The following VPS37A variants were observed in gnomAD, a reference collection of about 807,000 sequenced individuals.
VPS37A encodes VPS37A subunit of ESCRT-I.
A neutral mutation model predicts 49.8 loss-of-function variants in VPS37A; 30 were observed. The observed-to-expected ratio is 0.60, with a 90% CI of 0.45 to 0.82. VPS37A has a LOEUF of 0.82. Ranked by LOEUF, VPS37A falls within the 40% of genes least tolerant of loss-of-function variation. VPS37A has a pLI of 0.00. For synonymous variants in VPS37A, 195 were observed against 160.6 expected (o/e 1.21, Z -1.62); for missense variants, 593 against 464.4 (o/e 1.28, Z -2.55).
At chr8:17,302,349 C>T, downstream of VPS37A, 4 of 1,519,684 alleles carry the variant, frequency 2.6e-6, no homozygotes, top group Non-Finnish European at 3.5e-6. Context: ...CTCAAGTCTT[C>T]TAAGGTATCT....
chr8:17,247,410 T>TGGGGGG, intron 1 of VPS37A, 41 bp downstream of exon 1: 1 of 58,620 alleles, frequency 1.7e-5, no homozygotes, highest in Admixed American at 4.1e-4. Context: ...AAAAGTAGGG[T>TGGGGGG]GGGAGGGCGG....
intron 1 of VPS37A, among the ~76,000 whole-genome samples, chr8:17,254,532 C>T (rs1204051002): frequency 6.6e-6 from 1 of 152,148 alleles, no homozygotes; most frequent in Non-Finnish European, 1.5e-5. Flanking sequence ...TTTGCATTGA[C>T]CTGGTTCAAG....
At chr8:17,312,313 G>A in the VPS37A span, among the ~76,000 whole-genome samples, 2 of 152,220 alleles carry the variant, frequency 1.3e-5, no homozygotes, top group Middle Eastern at 3.4e-3. Flanking sequence ...AGTGGCTCAC[G>A]CATGTAATCC....
intron 2 of VPS37A, among the ~76,000 whole-genome samples, chr8:17,267,284 C>G (rs1813556957): frequency 6.6e-6 from 1 of 152,096 alleles, no homozygotes. Context: ...GTTTTCTTTT[C>G]AACAGTATGA....
the VPS37A span, among the ~76,000 whole-genome samples, chr8:17,314,090 ATAT>A: frequency 3.3e-5 from 5 of 152,106 alleles, no homozygotes; most frequent in East Asian, 7.7e-4. Flanking sequence ...CACCTCTATA[ATAT>A]TATAAACCAC....
Position 17,297,429 on chromosome 8 carries a change from GAAGA to G in VPS37A, c.*2447_*2450del. The stretch of plus-strand genomic sequence containing the variant: ...GGACAGCTCAGATTCATTTTTAGGA[GAAGA>G]AAGTAAACTAATGTGCTCTTAAAGA... On this transcript the variant is annotated 3_prime_UTR_variant, in exon 12 of 12. Transcript: ENST00000324849. 6.6e-6 allele frequency: 1 copy of G among 151,904 alleles called. No individual in the cohort carries two copies. The highest frequency in any genetic ancestry group is 1.5e-5 in the Non-Finnish European group (1 of 67,882). The allele number at this position is 151,904 out of a possible 1,614,324, so 9.4% of individuals were successfully genotyped here.
At chr8:17,285,389 T>G (rs1815496509) in intron 10 of VPS37A, among the ~76,000 whole-genome samples, 1 of 152,222 alleles carries the variant, frequency 6.6e-6, no homozygotes, top group African/African-American at 2.4e-5. Flanking sequence ...GAATACATTT[T>G]TAAAAATTGA....
downstream of VPS37A, chr8:17,305,682 G>T (rs933755643): frequency 5.2e-6 from 7 of 1,336,980 alleles, no homozygotes; most frequent in Non-Finnish European, 7.3e-6. Context: ...TCAAAATTAT[G>T]AAAGGCCACC....
the VPS37A span, chr8:17,331,414 A>T: frequency 1.1e-6 from 1 of 918,770 alleles, no homozygotes; most frequent in South Asian, 1.9e-5. Flanking sequence ...GCTTATTTGA[A>T]TCACTGCAAC....
At chr8:17,255,313 T>C (rs918438017) in intron 1 of VPS37A, among the ~76,000 whole-genome samples, 2 of 152,204 alleles carry the variant, frequency 1.3e-5, no homozygotes, top group South Asian at 4.1e-4. Context: ...AAACCCTGTC[T>C]CTACTAAAAA....
At chr8:17,302,281 C>A (rs372034246), downstream of VPS37A, 41 of 1,612,492 alleles carry the variant, frequency 2.5e-5, no homozygotes, top group Non-Finnish European at 3.1e-5. Context: ...ACTCCAAAAC[C>A]TGGAAAGGAT....
At chr8:17,313,699 A>T in the VPS37A span, among the ~76,000 whole-genome samples, 8 of 152,220 alleles carry the variant, frequency 5.3e-5, no homozygotes, top group African/African-American at 1.9e-4. Flanking sequence ...CTGGCAGAAA[A>T]TATCGATTTG....
At chr8:17,288,518 G>T (rs1023268878) in intron 11 of VPS37A, among the ~76,000 whole-genome samples, 1 of 152,148 alleles carries the variant, frequency 6.6e-6, no homozygotes, top group African/African-American at 2.4e-5. Context: ...ATGGTTTCCA[G>T]CTTCGTCTGT....
chr8:17,251,679 T>A (rs1449705266), intron 1 of VPS37A, among the ~76,000 whole-genome samples: 1 of 152,242 alleles, frequency 6.6e-6, no homozygotes, highest in Non-Finnish European at 1.5e-5. Context: ...GTAAATAACC[T>A]AAATTATTAT....
chr8:17,321,893 T>C, the VPS37A span, among the ~76,000 whole-genome samples: 5 of 152,134 alleles, frequency 3.3e-5, no homozygotes, highest in Admixed American at 1.3e-4. Flanking sequence ...AAGATATAAT[T>C]TTAGGACCTC....
chr8:17,312,574 C>CA, the VPS37A span, among the ~76,000 whole-genome samples: 15 of 87,248 alleles, frequency 1.7e-4, no homozygotes, highest in African/African-American at 1.9e-4. Context: ...GACTCCCTCT[C>CA]AAAAAAAAAA....
intron 11 of VPS37A, among the ~76,000 whole-genome samples, chr8:17,290,242 A>G (rs927114310): frequency 1.3e-5 from 2 of 151,648 alleles, no homozygotes; most frequent in African/African-American, 4.8e-5. Context: ...TGTGTTGAAT[A>G]GGAGTTGTCT....
At chr8:17,331,090 C>A in the VPS37A span, 1 of 1,554,746 alleles carries the variant, frequency 6.4e-7, no homozygotes, top group South Asian at 1.2e-5. Context: ...CTATCTTATT[C>A]CCTTTTGGCA....
chr8:17,259,967 A>G (rs1163125029), intron 1 of VPS37A, among the ~76,000 whole-genome samples: 3 of 152,160 alleles, frequency 2.0e-5, no homozygotes, highest in East Asian at 1.9e-4. Context: ...GTCTTTTTAT[A>G]TGAAGTGGGT....
Sources: allele counts gnomAD v4.1 joint callset (sites outside exome capture counted in the v4.1 genomes callset), GRCh38; gene constraint gnomAD v4.1.1; transcripts MANE v1.5; gene names NCBI Gene and HGNC (gene_info 2026-07-23, HGNC 2026-07-21).